The following CAST variants were observed in gnomAD, a reference collection of about 807,000 sequenced individuals.
The protein encoded by CAST is MIR583 host.
Under a neutral mutation model 119.6 loss-of-function variants are expected in CAST, and 76 were observed. That is an observed-to-expected ratio of 0.64 (90% CI 0.53 to 0.77). The LOEUF (loss-of-function observed/expected upper bound fraction) is 0.77, where lower values mean the gene tolerates loss of function less well. Among genes scored for constraint, CAST ranks in the 30% least tolerant of loss-of-function variants. CAST has a pLI of 0.00. For synonymous variants in CAST, 319 were observed against 331.6 expected (o/e 0.96, Z 0.41); for missense variants, 953 against 946.5 (o/e 1.01, Z -0.09).
chr5:96,054,437 C>T, the CAST span, among the ~76,000 whole-genome samples: 6 of 151,882 alleles, frequency 4.0e-5, no homozygotes, highest in South Asian at 4.2e-4. Flanking sequence ...GAGTTTTTCC[C>T]TTCTCCTTCC....
At chr5:95,972,961 G>T in the CAST span, 1 of 152,202 alleles carries the variant, frequency 6.6e-6, no homozygotes, top group Non-Finnish European at 1.5e-5. Context: ...TTGCACATAA[G>T]ATACTTATGG....
chr5:96,174,294 C>T, the CAST span, among the ~76,000 whole-genome samples: 1 of 152,144 alleles, frequency 6.6e-6, no homozygotes, highest in Non-Finnish European at 1.5e-5. Context: ...TCTTCTTGGG[C>T]CACACTTCTA....
chr5:96,355,933 C>A, the CAST span, among the ~76,000 whole-genome samples: 2 of 152,162 alleles, frequency 1.3e-5, no homozygotes, highest in African/African-American at 4.8e-5. Flanking sequence ...ATCCCTTGAC[C>A]TCATGATCTG....
the CAST span, among the ~76,000 whole-genome samples, chr5:96,351,594 T>C: frequency 6.6e-6 from 1 of 152,240 alleles, no homozygotes. Context: ...TTAAGCTATC[T>C]CAGTTTGTTA....
At chr5:95,987,414 A>G in the CAST span, among the ~76,000 whole-genome samples, 1 of 152,118 alleles carries the variant, frequency 6.6e-6, no homozygotes, top group Non-Finnish European at 1.5e-5. Context: ...AGTCAACCTG[A>G]TGATGTTGTA....
the CAST span, among the ~76,000 whole-genome samples, chr5:96,446,566 C>T: frequency 6.6e-6 from 1 of 152,110 alleles, no homozygotes; most frequent in Non-Finnish European, 1.5e-5. Flanking sequence ...ACCAAGAACA[C>T]AAAAGGAAAA....
the CAST span, chr5:96,247,863 A>G: frequency 1.8e-4 from 27 of 152,268 alleles, no homozygotes; most frequent in African/African-American, 6.0e-4. Flanking sequence ...GAAAACTGCC[A>G]CCCTTCTGGC....
At chr5:96,355,963 G>T in the CAST span, among the ~76,000 whole-genome samples, 2 of 152,150 alleles carry the variant, frequency 1.3e-5, no homozygotes, top group Admixed American at 6.5e-5. Flanking sequence ...GCCTGCCAAA[G>T]TGCTGGGATT....
At chr5:96,123,047 G>T in the CAST span, among the ~76,000 whole-genome samples, 2 of 152,026 alleles carry the variant, frequency 1.3e-5, no homozygotes, top group African/African-American at 4.8e-5. Flanking sequence ...TGCTTAATGT[G>T]AATTAACTGA....
chr5:96,057,661 C>A, the CAST span, among the ~76,000 whole-genome samples: 1 of 152,164 alleles, frequency 6.6e-6, no homozygotes, highest in Non-Finnish European at 1.5e-5. Context: ...ACCATGACAT[C>A]TGCTAGTGAC....
the CAST span, among the ~76,000 whole-genome samples, chr5:96,118,393 T>C: frequency 6.6e-6 from 1 of 152,180 alleles, no homozygotes; most frequent in Non-Finnish European, 1.5e-5. Flanking sequence ...GTTTGCATTG[T>C]AGAAAGGAAA....
At chr5:96,660,895 A>C (rs1158259606), upstream of CAST, among the ~76,000 whole-genome samples, 2 of 151,796 alleles carry the variant, frequency 1.3e-5, no homozygotes, top group Non-Finnish European at 2.9e-5. Context: ...AAATTCCTGC[A>C]GTGCTACCTG....
At chr5:96,434,360 T>C in the CAST span, among the ~76,000 whole-genome samples, 1 of 152,206 alleles carries the variant, frequency 6.6e-6, no homozygotes, top group Non-Finnish European at 1.5e-5. Context: ...CCGCAGGAGC[T>C]GCTCTCTCTT....
chr5:96,459,245 C>T, the CAST span, among the ~76,000 whole-genome samples: 862 of 152,192 alleles, frequency 5.7e-3, 9 homozygotes, highest in Non-Finnish European at 7.9e-3. Flanking sequence ...AGGGTGCTCC[C>T]GTCTTGGCAA....
At chr5:96,739,072 G>A (rs1207011727) in intron 11 of CAST, among the ~76,000 whole-genome samples, 3 of 152,090 alleles carry the variant, frequency 2.0e-5, no homozygotes, top group African/African-American at 7.2e-5. Flanking sequence ...GAGAAAACTT[G>A]ACTGACCAAT....
intron 3 of CAST, chr5:96,714,562 C>G (rs1462878413): frequency 6.6e-6 from 1 of 152,146 alleles, no homozygotes; most frequent in African/African-American, 2.4e-5. Flanking sequence ...ACCTGTGAAA[C>G]CTTCTCTAGG....
intron 1 of CAST, among the ~76,000 whole-genome samples, chr5:96,534,777 GAA>G (rs1427212130): frequency 1.7e-5 from 2 of 115,900 alleles, no homozygotes; most frequent in Middle Eastern, 4.5e-3. Context: ...AAGAAAGAAA[GAA>G]AGAAAGAAAG....
At chr5:96,561,563 G>C (rs866083534) in intron 1 of CAST, among the ~76,000 whole-genome samples, 2 of 151,004 alleles carry the variant, frequency 1.3e-5, no homozygotes, top group South Asian at 2.1e-4. Flanking sequence ...GGGCCTGTTG[G>C]GGGTGGGGAG....
the CAST span, among the ~76,000 whole-genome samples, chr5:96,029,537 A>T: frequency 2.0e-5 from 3 of 152,174 alleles, no homozygotes; most frequent in Non-Finnish European, 2.9e-5. Flanking sequence ...TATGTAAAAA[A>T]TATTTCGAAA....
Sources: allele counts gnomAD v4.1 joint callset (sites outside exome capture counted in the v4.1 genomes callset), GRCh38; gene constraint gnomAD v4.1.1; transcripts MANE v1.5; gene names NCBI Gene and HGNC (gene_info 2026-07-23, HGNC 2026-07-21).